FBXL17: variants seen among roughly 807,000 people sequenced by gnomAD.
The protein encoded by FBXL17 is F-box/LRR-repeat protein 17.
FBXL17 carries 22 observed loss-of-function variants against 66.2 expected under a neutral mutation model. The observed-to-expected ratio is 0.33, with a 90% CI of 0.24 to 0.47. The LOEUF is 0.47. Among genes scored for constraint, FBXL17 ranks in the 20% least tolerant of loss-of-function variants. The pLI is 1.00. For synonymous variants in FBXL17, 474 were observed against 400.5 expected (o/e 1.18, Z -2.19); for missense variants, 878 against 948.2 (o/e 0.93, Z 0.97).
chr5:108,005,093 C>CTTTTTTTTTTTTTTT (rs35383958), intron 7 of FBXL17, among the ~76,000 whole-genome samples: 1 of 143,754 alleles, frequency 7.0e-6, no homozygotes, highest in African/African-American at 2.6e-5. Context: ...TTTTCAATGA[C>CTTTTTTTTTTTTTTT]TTTTTTTTTT....
chr5:107,975,112 T>C (rs1370648837), intron 7 of FBXL17, among the ~76,000 whole-genome samples: 3 of 152,196 alleles, frequency 2.0e-5, no homozygotes, highest in Admixed American at 1.3e-4. Flanking sequence ...TCTTAAAATA[T>C]GTTATTTTAT....
At chr5:108,258,454 A>G (rs116015617) in intron 4 of FBXL17, among the ~76,000 whole-genome samples, 2,391 of 152,240 alleles carry the variant, frequency 0.016, 58 homozygotes, top group African/African-American at 0.055. Flanking sequence ...CTACCCTTTC[A>G]TATGTTGGGG....
At chr5:108,020,291 A>T (rs903768184) in intron 7 of FBXL17, among the ~76,000 whole-genome samples, 7 of 152,022 alleles carry the variant, frequency 4.6e-5, no homozygotes, top group Admixed American at 2.0e-4. Flanking sequence ...TTACAAAATT[A>T]AACAAAAAAG....
At chr5:108,359,029 G>C (rs1435710765) in intron 3 of FBXL17, among the ~76,000 whole-genome samples, 1 of 151,604 alleles carries the variant, frequency 6.6e-6, no homozygotes, top group Non-Finnish European at 1.5e-5. Context: ...CTACTTCTTG[G>C]GTCAGTTTTT....
chr5:108,232,195 T>C (rs1486747784), intron 4 of FBXL17, among the ~76,000 whole-genome samples: 2 of 152,234 alleles, frequency 1.3e-5, no homozygotes, highest in Non-Finnish European at 2.9e-5. Context: ...TCCTTCATCA[T>C]GTGACATAAG....
intron 6 of FBXL17, among the ~76,000 whole-genome samples, chr5:108,117,725 A>G (rs1002131617): frequency 6.6e-6 from 1 of 152,200 alleles, no homozygotes; most frequent in Non-Finnish European, 1.5e-5. Context: ...AAAAAGCACA[A>G]GAAGGAGCTA....
chr5:108,141,589 G>T (rs138903746), intron 6 of FBXL17, among the ~76,000 whole-genome samples: 209 of 152,250 alleles, frequency 1.4e-3, no homozygotes, highest in African/African-American at 4.8e-3. Context: ...CACATCTACA[G>T]GAGTTCTATT....
At chr5:108,162,600 A>G (rs1752257923) in intron 6 of FBXL17, among the ~76,000 whole-genome samples, 1 of 152,174 alleles carries the variant, frequency 6.6e-6, no homozygotes, top group Admixed American at 6.5e-5. Flanking sequence ...ACTTCTCATA[A>G]TGTTTATAAG....
At chr5:108,269,829 G>C (rs1757194055) in intron 4 of FBXL17, among the ~76,000 whole-genome samples, 1 of 152,028 alleles carries the variant, frequency 6.6e-6, no homozygotes, top group Admixed American at 6.6e-5. Context: ...TTTTAGACGA[G>C]GGTTTGTTTT....
chr5:108,377,373 C>A (rs990227049), intron 1 of FBXL17, among the ~76,000 whole-genome samples: 2 of 152,204 alleles, frequency 1.3e-5, no homozygotes, highest in African/African-American at 4.8e-5. Context: ...CTTAAACTAG[C>A]AAATACATGG....
At chr5:108,226,600 C>A (rs13190222) in intron 4 of FBXL17, among the ~76,000 whole-genome samples, 24,583 of 152,006 alleles carry the variant, frequency 0.16, 2,128 homozygotes, top group South Asian at 0.33. Flanking sequence ...CCATGGGGTG[C>A]CCAAATATTT....
At chr5:108,346,016 C>CT (rs1300043836) in intron 4 of FBXL17, among the ~76,000 whole-genome samples, 5 of 152,108 alleles carry the variant, frequency 3.3e-5, no homozygotes, top group African/African-American at 1.2e-4. Flanking sequence ...ACAGTGTTCT[C>CT]TGTACGTACC....
At chr5:108,265,128 T>C (rs1756995544) in intron 4 of FBXL17, among the ~76,000 whole-genome samples, 1 of 152,084 alleles carries the variant, frequency 6.6e-6, no homozygotes, top group South Asian at 2.1e-4. Context: ...AAGTTTTCTC[T>C]TGTTTTCATA....
At chr5:108,133,631 A>G (rs1177402498) in intron 6 of FBXL17, among the ~76,000 whole-genome samples, 1 of 152,062 alleles carries the variant, frequency 6.6e-6, no homozygotes. Flanking sequence ...GAAAGAAAGA[A>G]ATGGAGGGCT....
chr5:107,949,916 CATG>C (rs1470230456), intron 7 of FBXL17, among the ~76,000 whole-genome samples: 1 of 152,140 alleles, frequency 6.6e-6, no homozygotes, highest in East Asian at 1.9e-4. Context: ...TTACGTTCTA[CATG>C]ACTTCTAAAC....
intron 4 of FBXL17, among the ~76,000 whole-genome samples, chr5:108,306,980 T>C (rs184362819): frequency 9.5e-4 from 145 of 152,186 alleles, no homozygotes; most frequent in South Asian, 5.0e-3. Flanking sequence ...TTACACTTCC[T>C]CTCTTTTTTA....
intron 6 of FBXL17, among the ~76,000 whole-genome samples, chr5:108,096,751 C>A (rs1749384573): frequency 6.6e-6 from 1 of 152,156 alleles, no homozygotes; most frequent in African/African-American, 2.4e-5. Flanking sequence ...AAACAAGGAG[C>A]TGTCTGAGCA....
At chr5:108,154,655 GTATA>G (rs1561437258) in intron 6 of FBXL17, among the ~76,000 whole-genome samples, 14 of 102,352 alleles carry the variant, frequency 1.4e-4, no homozygotes, top group Non-Finnish European at 2.9e-4. Context: ...ACACATATAT[GTATA>G]TACATATATA....
At chr5:108,210,987 G>A (rs1251780431) in intron 5 of FBXL17, among the ~76,000 whole-genome samples, 8 of 152,102 alleles carry the variant, frequency 5.3e-5, no homozygotes, top group Admixed American at 5.2e-4. Context: ...TATGAATCTA[G>A]GTGCTCCTGT....
Sources: gnomAD v4.1 joint callset for allele counts (sites outside exome capture counted in the v4.1 genomes callset) on GRCh38, gnomAD v4.1.1 for gene constraint, MANE v1.5 for transcripts, NCBI Gene and HGNC (gene_info 2026-07-23, HGNC 2026-07-21) for gene names.